Variants in DLGAP1 observed in about 807,000 individuals in gnomAD.
DLGAP1 encodes the protein DLG associated protein 1.
A neutral mutation model predicts 90.8 loss-of-function variants in DLGAP1; 11 were observed. The observed-to-expected ratio is 0.12, with a 90% CI of 0.08 to 0.20. DLGAP1 has a LOEUF of 0.20. Ranked by LOEUF, DLGAP1 falls within the 10% of genes least tolerant of loss-of-function variation. DLGAP1 has a pLI of 1.00. For synonymous variants in DLGAP1, 558 were observed against 540.7 expected (o/e 1.03, Z -0.44); for missense variants, 1,050 against 1,333.8 (o/e 0.79, Z 3.31).
chr18:3,939,114 T>A (rs949780126), intron 3 of DLGAP1, among the ~76,000 whole-genome samples: 1 of 151,752 alleles, frequency 6.6e-6, no homozygotes, highest in Admixed American at 6.6e-5. Context: ...GAAACAGGGA[T>A]AAATATTAAA....
chr18:3,696,272 G>T (rs1217733455), intron 7 of DLGAP1, among the ~76,000 whole-genome samples: 2 of 152,160 alleles, frequency 1.3e-5, no homozygotes, highest in Non-Finnish European at 2.9e-5. Context: ...CTTGTCTTGT[G>T]CCGGTTTTCA....
chr18:3,857,757 C>A (rs1248065105), intron 4 of DLGAP1, among the ~76,000 whole-genome samples: 1 of 152,064 alleles, frequency 6.6e-6, no homozygotes. Context: ...CCCAGTGTGA[C>A]CTCATTCACT....
chr18:3,715,932 C>A (rs2061744900), intron 7 of DLGAP1, among the ~76,000 whole-genome samples: 2 of 152,032 alleles, frequency 1.3e-5, no homozygotes, highest in East Asian at 3.9e-4. Context: ...AAAAGCCCTA[C>A]AAAAATCTAC....
At position 3,741,196 on chromosome 18, in the gene DLGAP1, A is replaced by G. The variant is rs1157803309; in HGVS notation, c.1350+1139T>C. 1.5e-3 allele frequency among the ~76,000 whole-genome samples: 92 copies of G among 60,404 alleles called. 1 individual carries two copies. Among genetic ancestry groups the G allele is most frequent in the African/African-American group, 5.6e-3 (87 of 15,402 alleles). The allele number at this position is 60,404 out of a possible 152,430, so 39.6% of individuals were successfully genotyped here. A position where few individuals can be genotyped will look rare whatever the true frequency, so the allele number is the denominator to read the frequency against. ...CATCACCACCACCACCACCACCACC[A>G]CCAAATCACCACCACCACCACCACA... On this transcript the variant is annotated intron_variant, in intron 6 of 12. Transcript: ENST00000315677.
chr18:4,339,488 A>T (rs1449992597), intron 1 of DLGAP1, among the ~76,000 whole-genome samples: 2 of 152,180 alleles, frequency 1.3e-5, no homozygotes, highest in East Asian at 3.8e-4. Context: ...GAATAAAATA[A>T]AATAGAATTA....
At chr18:4,346,578 G>A (rs1021477104) in intron 1 of DLGAP1, among the ~76,000 whole-genome samples, 1 of 152,132 alleles carries the variant, frequency 6.6e-6, no homozygotes, top group African/African-American at 2.4e-5. Context: ...CTGATAATCG[G>A]GGAATTAGAT....
chr18:3,569,050 TAG>T (rs2054610658), intron 8 of DLGAP1, among the ~76,000 whole-genome samples: 1 of 151,630 alleles, frequency 6.6e-6, no homozygotes, highest in African/African-American at 2.4e-5. Flanking sequence ...TCCCCCAGGC[TAG>T]AGTGCAGTGG....
chr18:4,287,066 A>C (rs2145478943), intron 1 of DLGAP1, among the ~76,000 whole-genome samples: 1 of 152,338 alleles, frequency 6.6e-6, no homozygotes. Flanking sequence ...TCATTAGTCC[A>C]TGGAGAATGA....
intron 12 of DLGAP1, chr18:3,502,097 T>G: frequency 6.1e-6 from 6 of 990,308 alleles, no homozygotes; most frequent in Non-Finnish European, 7.2e-6. Context: ...GCATCCTATT[T>G]TTCTTGAAAA....
chr18:3,647,484 T>A (rs1174228537), intron 7 of DLGAP1, among the ~76,000 whole-genome samples: 6 of 148,056 alleles, frequency 4.1e-5, no homozygotes, highest in African/African-American at 1.5e-4. Context: ...TTTTTTTTTT[T>A]AAACCGAGAC....
At chr18:3,973,113 G>T (rs1436948005) in intron 3 of DLGAP1, among the ~76,000 whole-genome samples, 4 of 151,986 alleles carry the variant, frequency 2.6e-5, no homozygotes, top group Non-Finnish European at 5.9e-5. Context: ...ATTATCATCT[G>T]CTTGTTTTTA....
chr18:3,829,522 G>T (rs1475420642), intron 4 of DLGAP1, among the ~76,000 whole-genome samples: 3 of 151,994 alleles, frequency 2.0e-5, no homozygotes, highest in African/African-American at 7.3e-5. Context: ...GGGGACTGTG[G>T]ATCAGTCAGG....
At chr18:3,638,247 C>CTT (rs541911033) in intron 7 of DLGAP1, among the ~76,000 whole-genome samples, 17 of 129,874 alleles carry the variant, frequency 1.3e-4, no homozygotes, top group African/African-American at 2.3e-4. Flanking sequence ...GTGCCCGGCC[C>CTT]TTTTTTTTTT....
chr18:4,107,639 T>C (rs1486377125), intron 2 of DLGAP1, among the ~76,000 whole-genome samples: 1 of 152,234 alleles, frequency 6.6e-6, no homozygotes, highest in Non-Finnish European at 1.5e-5. Context: ...TTTAAATTGG[T>C]GAACTGAGTG....
chr18:3,822,025 A>T, intron 4 of DLGAP1: 12 of 303,158 alleles, frequency 4.0e-5, no homozygotes, highest in Non-Finnish European at 4.5e-5. Context: ...GCAAAAACAG[A>T]AAAAAAAAAA....
intron 2 of DLGAP1, among the ~76,000 whole-genome samples, chr18:4,145,766 A>G (rs2076575932): frequency 6.6e-6 from 1 of 152,208 alleles, no homozygotes; most frequent in Admixed American, 6.5e-5. Flanking sequence ...ATCAGTTAAA[A>G]ATTGAGACCA....
intron 5 of DLGAP1, among the ~76,000 whole-genome samples, chr18:3,769,268 C>T (rs1250675263): frequency 2.6e-5 from 4 of 152,014 alleles, no homozygotes; most frequent in Admixed American, 6.6e-5. Context: ...GAGGATTCAA[C>T]GAAAAGGGAT....
chr18:4,258,649 G>T (rs1044420815), intron 1 of DLGAP1, among the ~76,000 whole-genome samples: 4 of 152,074 alleles, frequency 2.6e-5, no homozygotes, highest in Non-Finnish European at 5.9e-5. Flanking sequence ...ACTAAATTAT[G>T]TTGTGAGTTG....
chr18:3,934,634 A>G (rs2072593952), intron 3 of DLGAP1, among the ~76,000 whole-genome samples: 1 of 152,244 alleles, frequency 6.6e-6, no homozygotes, highest in Non-Finnish European at 1.5e-5. Context: ...CAATATTTTC[A>G]GAATTAAGAG....
Sources: allele counts gnomAD v4.1 joint callset (sites outside exome capture counted in the v4.1 genomes callset), GRCh38; gene constraint gnomAD v4.1.1; transcripts MANE v1.5; gene names NCBI Gene and HGNC (gene_info 2026-07-23, HGNC 2026-07-21).